Variants in DIAPH3 observed in about 807,000 individuals in gnomAD.
The protein encoded by DIAPH3 is diaphanous related formin 3, also known as protein diaphanous homolog 3.
In DIAPH3, 117 loss-of-function variants were observed where a neutral mutation model predicts 144.3. That is an observed-to-expected ratio of 0.81 (90% CI 0.70 to 0.95). DIAPH3 has a LOEUF of 0.95. Ranked by LOEUF, DIAPH3 falls within the 40% of genes least tolerant of loss-of-function variation. DIAPH3 has a pLI of 0.00. For synonymous variants in DIAPH3, 519 were observed against 488.9 expected (o/e 1.06, Z -0.81); for missense variants, 1,421 against 1,412.7 (o/e 1.01, Z -0.09).
At chr13:59,918,136 A>G (rs1227013041) in intron 18 of DIAPH3, among the ~76,000 whole-genome samples, 2 of 151,504 alleles carry the variant, frequency 1.3e-5, no homozygotes, top group African/African-American at 2.4e-5. Context: ...ATACTAAAAA[A>G]GATACATTGA....
chr13:59,767,617 A>G (rs902253585), intron 27 of DIAPH3, among the ~76,000 whole-genome samples: 2 of 152,138 alleles, frequency 1.3e-5, no homozygotes, highest in Non-Finnish European at 2.9e-5. Context: ...GGAGAGATTC[A>G]GAATGGGCAA....
rs572406743 is a variant in DIAPH3, at chr13:59,863,421, C to T, written c.2608-1885G>A. Among the ~76,000 whole-genome samples the T allele has an allele frequency of 1.4e-3, 206 of 152,102 alleles. 1 individual carries two copies. Among genetic ancestry groups the T allele is most frequent in the African/African-American group, 4.3e-3 (178 of 41,514 alleles). On this transcript the variant is annotated intron_variant, in intron 21 of 27. Transcript: ENST00000400324. The stretch of plus-strand genomic sequence containing the variant: ...TAAAATTGGCTCCTAAATAAATTCC[C>T]ATAAGTAATATTTTAAAAAATCCAA...
intron 22 of DIAPH3, among the ~76,000 whole-genome samples, chr13:59,855,234 A>G (rs1202467113): frequency 6.6e-6 from 1 of 152,164 alleles, no homozygotes; most frequent in Non-Finnish European, 1.5e-5. Context: ...CAGGATTTAA[A>G]TATGTGGTCT....
Position 59,969,884 on chromosome 13 carries a change from A to G in DIAPH3, c.2074+60T>C, listed in dbSNP as rs1322860847. ...TAATGTTTTCTGAAAATTGATACAT[A>G]AAAAGTATATGTTAAAATTCTAAAA... On this transcript the variant is annotated intron_variant, in intron 17 of 27. Transcript: ENST00000400324. 9.0e-6 allele frequency: 10 copies of G among 1,109,964 alleles called. No individual in the cohort carries two copies. In the East Asian group the frequency reaches 2.4e-4, roughly 26 times the overall value. The allele number at this position is 1,109,964 out of a possible 1,614,324, so 68.8% of individuals were successfully genotyped here.
intron 5 of DIAPH3, among the ~76,000 whole-genome samples, chr13:60,021,264 C>G (rs1009904110): frequency 4.6e-5 from 7 of 152,120 alleles, no homozygotes; most frequent in Non-Finnish European, 7.4e-5. Context: ...CAGGTGGTTC[C>G]AATCTAATCA....
chr13:59,768,675 T>C (rs1171795965), intron 27 of DIAPH3, among the ~76,000 whole-genome samples: 1 of 152,128 alleles, frequency 6.6e-6, no homozygotes, highest in Non-Finnish European at 1.5e-5. Flanking sequence ...AATTCAAAGA[T>C]ATCTAACCAG....
intron 17 of DIAPH3, among the ~76,000 whole-genome samples, chr13:59,937,463 T>C (rs980704307): frequency 6.6e-6 from 1 of 152,202 alleles, no homozygotes; most frequent in African/African-American, 2.4e-5. Flanking sequence ...AGCTTACTAG[T>C]ATTTGTACAC....
At chr13:60,035,133 C>G (rs570315267) in intron 5 of DIAPH3, among the ~76,000 whole-genome samples, 1 of 152,214 alleles carries the variant, frequency 6.6e-6, no homozygotes, top group Non-Finnish European at 1.5e-5. Flanking sequence ...GAGCACTTTA[C>G]AATTCCAGGC....
At chr13:59,676,845 TG>T (rs2032669448) in intron 27 of DIAPH3, among the ~76,000 whole-genome samples, 1 of 152,198 alleles carries the variant, frequency 6.6e-6, no homozygotes, top group Non-Finnish European at 1.5e-5. Context: ...AATTCAGTCC[TG>T]GGATACATTT....
chr13:60,006,427 T>C (rs2052880102), intron 9 of DIAPH3, among the ~76,000 whole-genome samples: 1 of 152,108 alleles, frequency 6.6e-6, no homozygotes, highest in Non-Finnish European at 1.5e-5. Context: ...CTCAAATAAT[T>C]ATAGATTCAT....
At chr13:59,813,909 A>T (rs2040627316) in intron 24 of DIAPH3, among the ~76,000 whole-genome samples, 1 of 151,970 alleles carries the variant, frequency 6.6e-6, no homozygotes, top group Admixed American at 6.6e-5. Context: ...GAAGATAATC[A>T]TGGGTTCAAA....
intron 17 of DIAPH3, among the ~76,000 whole-genome samples, chr13:59,961,365 C>T (rs1473415734): frequency 2.6e-5 from 4 of 152,182 alleles, no homozygotes; most frequent in East Asian, 1.9e-4. Context: ...AAAGAAACTA[C>T]GCTGTAAAAG....
chr13:60,010,586 C>T lies in DIAPH3; in HGVS notation c.855G>A (p.Met285Ile). Residue 285 changes from methionine to isoleucine, a missense_variant, in exon 8 of 28, where the codon ATG (methionine) becomes ATA (isoleucine). By Grantham distance (10) the Met-to-Ile change is conservative (BLOSUM62 1). Transcript: ENST00000400324. ...KAVDPRHPNM[M>I]TDVVKLLSAV... Reference sequence around the variant, plus strand: ...CAGAGAGAAGTTTAACCACATCTGTCATCATATTGGGGTGTCTGGGATCCA... The same window carrying T: ...CAGAGAGAAGTTTAACCACATCTGTTATCATATTGGGGTGTCTGGGATCCA... 1.2e-6 allele frequency: 2 copies of T among 1,613,312 alleles called. No homozygotes were observed. The highest frequency in any genetic ancestry group is 8.5e-7 in the Non-Finnish European group (1 of 1,179,588).
At chr13:59,847,267 T>C (rs1396510810) in intron 22 of DIAPH3, among the ~76,000 whole-genome samples, 3 of 152,240 alleles carry the variant, frequency 2.0e-5, no homozygotes, top group African/African-American at 7.2e-5. Context: ...TATGCAATGA[T>C]GGTTTAATTT....
Position 59,693,551 on chromosome 13 carries a change from T to G in DIAPH3, c.3320-26705A>C, listed in dbSNP as rs146062745. 1.2e-3 allele frequency among the ~76,000 whole-genome samples: 189 copies of G among 152,276 alleles called. 1 individual carries two copies. Among genetic ancestry groups the G allele is most frequent in the African/African-American group, 4.3e-3 (180 of 41,560 alleles). On this transcript the variant is annotated intron_variant, in intron 27 of 27. Transcript: ENST00000400324. ...ATGCTCTTGGATGGTCTTTATATAG[T>G]ATCGGAATTATTTGCAATCTCACAT...
intron 22 of DIAPH3, among the ~76,000 whole-genome samples, chr13:59,846,752 C>T (rs1198738135): frequency 1.3e-5 from 2 of 151,922 alleles, no homozygotes; most frequent in Non-Finnish European, 2.9e-5. Flanking sequence ...TAAATTGTAG[C>T]TTAGTTCGTA....
chr13:59,902,152 T>C (rs2046472233), intron 20 of DIAPH3, among the ~76,000 whole-genome samples: 1 of 152,202 alleles, frequency 6.6e-6, no homozygotes, highest in South Asian at 2.1e-4. Context: ...TGTGTATGGT[T>C]GATATGGTTT....
At chr13:59,964,175 C>A (rs563807738) in intron 17 of DIAPH3, among the ~76,000 whole-genome samples, 2 of 152,056 alleles carry the variant, frequency 1.3e-5, no homozygotes, top group Admixed American at 6.6e-5. Context: ...ATGATAGCTA[C>A]GGACACACCA....
intron 3 of DIAPH3, among the ~76,000 whole-genome samples, chr13:60,104,034 A>G (rs2058342745): frequency 6.6e-6 from 1 of 152,192 alleles, no homozygotes; most frequent in African/African-American, 2.4e-5. Flanking sequence ...GGGCAGACTA[A>G]ATGAATCTTA....
Sources: gnomAD v4.1 joint callset for allele counts (sites outside exome capture counted in the v4.1 genomes callset) on GRCh38, gnomAD v4.1.1 for gene constraint, MANE v1.5 for transcripts, NCBI Gene and HGNC (gene_info 2026-07-23, HGNC 2026-07-21) for gene names.